The following PHF24 variants were observed in gnomAD, a reference collection of about 807,000 sequenced individuals.
PHF24 encodes Galpha inhibitory interacting protein.
In PHF24, 25 loss-of-function variants were observed where a neutral mutation model predicts 42.6. That is an observed-to-expected ratio of 0.59 (90% CI 0.43 to 0.82). The LOEUF (loss-of-function observed/expected upper bound fraction) is 0.82, where lower values mean the gene tolerates loss of function less well. Among genes scored for constraint, PHF24 ranks in the 40% least tolerant of loss-of-function variants. The probability of loss-of-function intolerance (pLI) is 0.00; values close to 1 mark genes in which losing one functional copy is unlikely to be tolerated. For synonymous variants in PHF24, 185 were observed against 204.8 expected, an observed-to-expected ratio of 0.90 and a Z score of 0.83; for missense variants, 470 against 538.1, an observed-to-expected ratio of 0.87 and a Z score of 1.25.
chr9:34,936,759 C>T, the PHF24 span, among the ~76,000 whole-genome samples: 1 of 151,474 alleles, frequency 6.6e-6, no homozygotes, highest in Non-Finnish European at 1.5e-5. Flanking sequence ...TGCCCGGCCG[C>T]GACCCCGTCT....
the PHF24 span, among the ~76,000 whole-genome samples, chr9:34,936,706 C>T: frequency 1.2e-3 from 184 of 149,618 alleles, 1 homozygote; most frequent in Non-Finnish European, 1.5e-3. Flanking sequence ...ATGTGGGGAG[C>T]GCCTCTGCCC....
At chr9:34,773,696 C>A in the PHF24 span, among the ~76,000 whole-genome samples, 1 of 152,178 alleles carries the variant, frequency 6.6e-6, no homozygotes, top group Admixed American at 6.5e-5. Flanking sequence ...GATTTGTAGT[C>A]TTTCTCCCCA....
chr9:34,908,756 C>T, the PHF24 span, among the ~76,000 whole-genome samples: 4 of 151,944 alleles, frequency 2.6e-5, no homozygotes, highest in African/African-American at 4.8e-5. Context: ...GACTTTGTCT[C>T]GGGTCACCAC....
At chr9:34,718,472 T>C in the PHF24 span, among the ~76,000 whole-genome samples, 1 of 152,228 alleles carries the variant, frequency 6.6e-6, no homozygotes. Flanking sequence ...TGCTTTGTGC[T>C]TACCTCTCAT....
the PHF24 span, among the ~76,000 whole-genome samples, chr9:34,732,658 C>T: frequency 6.6e-6 from 1 of 152,084 alleles, no homozygotes; most frequent in African/African-American, 2.4e-5. Flanking sequence ...CTTTGGCTGT[C>T]TGTGCTTATC....
chr9:34,895,314 A>G, the PHF24 span, among the ~76,000 whole-genome samples: 1 of 152,052 alleles, frequency 6.6e-6, no homozygotes, highest in Non-Finnish European at 1.5e-5. Context: ...CATTCCTTTC[A>G]TAAGTTCGGT....
the PHF24 span, among the ~76,000 whole-genome samples, chr9:34,716,704 C>A: frequency 2.0e-5 from 3 of 152,190 alleles, no homozygotes; most frequent in Admixed American, 2.0e-4. Flanking sequence ...ATTCTCCAGC[C>A]TCAGCCTCCT....
exon 6 of PHF24, chr9:34,977,189 C>A (rs1827224639): frequency 6.2e-7 from 1 of 1,613,666 alleles, no homozygotes; most frequent in Non-Finnish European, 8.5e-7. Context: ...TGCCGCCGGG[C>A]CCAGCACTCT....
At chr9:34,779,044 T>C in the PHF24 span, among the ~76,000 whole-genome samples, 6 of 151,996 alleles carry the variant, frequency 3.9e-5, no homozygotes, top group African/African-American at 1.5e-4. Context: ...TAAGGGAAAT[T>C]ACAAAATACT....
chr9:34,709,780 A>G, the PHF24 span: 1 of 1,612,978 alleles, frequency 6.2e-7, no homozygotes, highest in African/African-American at 1.3e-5. Context: ...CACTCACAGG[A>G]TAGCTGGGAT....
At chr9:34,937,951 C>T in the PHF24 span, among the ~76,000 whole-genome samples, 2 of 152,146 alleles carry the variant, frequency 1.3e-5, no homozygotes, top group Non-Finnish European at 2.9e-5. Flanking sequence ...CCTGTGTCCA[C>T]GTGAGAATCA....
chr9:34,953,418 G>C (rs1358249231), upstream of PHF24, among the ~76,000 whole-genome samples: 1 of 152,202 alleles, frequency 6.6e-6, no homozygotes, highest in Non-Finnish European at 1.5e-5. This position sits in a 1 kb window ranked among gnomAD's most constrained non-coding sequence, Gnocchi z 4.1. Flanking sequence ...GATTATAGGT[G>C]TGAGTCACCG....
chr9:34,964,232 T>G (rs1259540534), intron 1 of PHF24, among the ~76,000 whole-genome samples: 1 of 152,140 alleles, frequency 6.6e-6, no homozygotes, highest in Non-Finnish European at 1.5e-5. Context: ...AGGCAGCCAC[T>G]TTTACTTGCT....
At chr9:34,682,073 C>T in the PHF24 span, among the ~76,000 whole-genome samples, 3 of 54,442 alleles carry the variant, frequency 5.5e-5, no homozygotes, top group East Asian at 1.9e-3. Context: ...CTCCCAGGCT[C>T]GAGAGTTCCT....
the PHF24 span, chr9:34,832,619 G>T: frequency 3.3e-5 from 51 of 1,542,306 alleles, no homozygotes; most frequent in African/African-American, 4.1e-4. Context: ...TGTGCCCTTT[G>T]CCTTTTGTCT....
chr9:34,970,841 G>A (rs566531706), intron 1 of PHF24, among the ~76,000 whole-genome samples: 2 of 152,290 alleles, frequency 1.3e-5, no homozygotes, highest in Non-Finnish European at 2.9e-5. Flanking sequence ...TCCAGTCTAC[G>A]AAGCACCATT....
chr9:34,717,953 T>C, the PHF24 span, among the ~76,000 whole-genome samples: 1 of 152,230 alleles, frequency 6.6e-6, no homozygotes, highest in African/African-American at 2.4e-5. Flanking sequence ...TTTTTCTGTA[T>C]GTACCTGTGT....
chr9:34,954,756 G>T (rs1274913229), upstream of PHF24, among the ~76,000 whole-genome samples: 1 of 152,150 alleles, frequency 6.6e-6, no homozygotes, highest in Admixed American at 6.5e-5. Context: ...GCTTAGGATG[G>T]TCCTTAAGAT....
chr9:34,833,191 G>A, the PHF24 span: 1 of 1,533,452 alleles, frequency 6.5e-7, no homozygotes, highest in Non-Finnish European at 8.8e-7. Flanking sequence ...CATGGGCTGG[G>A]TCCTTGCTCT....
Sources: allele counts gnomAD v4.1 joint callset (sites outside exome capture counted in the v4.1 genomes callset), GRCh38; gene constraint gnomAD v4.1.1; non-coding constraint Gnocchi (gnomAD v3.1); transcripts MANE v1.5; gene names NCBI Gene and HGNC (gene_info 2026-07-23, HGNC 2026-07-21).